PIP4K2A: variants seen among roughly 807,000 people sequenced by gnomAD.
PIP4K2A encodes the protein phosphatidylinositol-5-phosphate 4-kinase type 2 alpha.
Under a neutral mutation model 42.9 loss-of-function variants are expected in PIP4K2A, and 14 were observed. That is an observed-to-expected ratio of 0.33 (90% CI 0.22 to 0.51). PIP4K2A has a LOEUF of 0.51. Among genes scored for constraint, PIP4K2A ranks in the 20% least tolerant of loss-of-function variants. PIP4K2A has a pLI of 0.97. For synonymous variants in PIP4K2A, 192 were observed against 192.2 expected, an observed-to-expected ratio of 1.00 and a Z score of 0.01; for missense variants, 434 against 519.8, an observed-to-expected ratio of 0.83 and a Z score of 1.61.
intron 1 of PIP4K2A, among the ~76,000 whole-genome samples, chr10:22,661,588 C>G (rs1348812260): frequency 6.6e-6 from 1 of 152,036 alleles, no homozygotes; most frequent in East Asian, 1.9e-4. Flanking sequence ...GTCTCAAATT[C>G]CTGGCCTCAA....
intron 2 of PIP4K2A, among the ~76,000 whole-genome samples, chr10:22,609,382 T>A (rs767999773): frequency 4.6e-5 from 7 of 152,246 alleles, no homozygotes; most frequent in Non-Finnish European, 1.0e-4. Flanking sequence ...AATGAGAATA[T>A]CACTTTCAAC....
chr10:22,609,935 G>A (rs1201781709), intron 1 of PIP4K2A, among the ~76,000 whole-genome samples: 3 of 151,872 alleles, frequency 2.0e-5, no homozygotes, highest in Admixed American at 1.3e-4. Flanking sequence ...GGTGGCCACC[G>A]GACGGCAGTG....
intron 6 of PIP4K2A, 88 bp downstream of exon 6, chr10:22,567,763 G>T: frequency 9.0e-7 from 1 of 1,110,222 alleles, no homozygotes; most frequent in Non-Finnish European, 1.4e-6. Flanking sequence ...AATAGCAGGG[G>T]TGGGAGACTA....
At chr10:22,699,157 T>C (rs1215075509) in intron 1 of PIP4K2A, among the ~76,000 whole-genome samples, 3 of 152,210 alleles carry the variant, frequency 2.0e-5, no homozygotes, top group African/African-American at 7.2e-5. Context: ...GAAAGTGCCT[T>C]ATGGATTTAT....
At chr10:22,700,288 C>T (rs1833690117) in intron 1 of PIP4K2A, among the ~76,000 whole-genome samples, 1 of 152,226 alleles carries the variant, frequency 6.6e-6, no homozygotes, top group Non-Finnish European at 1.5e-5. Flanking sequence ...CGATCTCATA[C>T]AAGTGAATCT....
chr10:22,683,835 T>TCACACACACACA lies in PIP4K2A; in HGVS notation c.144+30336_144+30347dup, dbSNP rs138327782. ...TCTTGTAGCTTTCCTACCAAGCAGTTCACACACACACACACACACACACAC... is the reference window on the plus strand; with the variant it reads ...TCTTGTAGCTTTCCTACCAAGCAGTTCACACACACACACACACACACACACACACACACACAC... On this transcript the variant is annotated intron_variant, in intron 1 of 9. Transcript: ENST00000376573. Among the ~76,000 whole-genome samples the TCACACACACACA allele has an allele frequency of 1.7e-3, 236 of 139,400 alleles. 1 individual carries two copies. The highest frequency in any genetic ancestry group is 6.1e-3 in the African/African-American group (231 of 37,772). The allele number at this position is 139,400 out of a possible 152,430, so 91.5% of individuals were successfully genotyped here. A position where few individuals can be genotyped will look rare whatever the true frequency, so the allele number is the denominator to read the frequency against.
chr10:22,630,841 T>C (rs942499260), intron 1 of PIP4K2A, among the ~76,000 whole-genome samples: 14 of 152,180 alleles, frequency 9.2e-5, no homozygotes, highest in Admixed American at 2.6e-4. Flanking sequence ...ACAACATACT[T>C]GGGTTCTGGG....
At chr10:22,664,196 T>TATATATACATATATATACATAC (rs1839299216) in intron 1 of PIP4K2A, among the ~76,000 whole-genome samples, 1 of 68,290 alleles carries the variant, frequency 1.5e-5, no homozygotes, top group Non-Finnish European at 2.4e-5. Flanking sequence ...TATATACATA[T>TATATATACATATATATACATAC]ATATATACAT....
intron 1 of PIP4K2A, among the ~76,000 whole-genome samples, chr10:22,619,815 T>C (rs1326340): frequency 0.22 from 32,823 of 152,174 alleles, 3,959 homozygotes; most frequent in Non-Finnish European, 0.27. Context: ...TCCAAGTATA[T>C]TTTAATTAAC....
At chr10:22,622,295 G>A (rs559929954) in intron 1 of PIP4K2A, among the ~76,000 whole-genome samples, 3 of 152,344 alleles carry the variant, frequency 2.0e-5, no homozygotes, top group African/African-American at 4.8e-5. Flanking sequence ...GGGTTCAGGT[G>A]GCAGAAAGAC....
At chr10:22,589,649 A>G (rs1837467211) in intron 4 of PIP4K2A, among the ~76,000 whole-genome samples, 1 of 152,226 alleles carries the variant, frequency 6.6e-6, no homozygotes, top group Non-Finnish European at 1.5e-5. Context: ...AGAATCCATG[A>G]TATTAGAGCA....
chr10:22,583,791 C>T (rs747503675), intron 4 of PIP4K2A, among the ~76,000 whole-genome samples: 16 of 152,208 alleles, frequency 1.1e-4, no homozygotes, highest in Non-Finnish European at 2.2e-4. Context: ...GATGGGACGC[C>T]CAGATTCCCT....
At chr10:22,548,455 A>G (rs1437814679) in intron 7 of PIP4K2A, among the ~76,000 whole-genome samples, 3 of 152,220 alleles carry the variant, frequency 2.0e-5, no homozygotes, top group African/African-American at 7.2e-5. Flanking sequence ...ACAGAAAAAA[A>G]CCATTTTTTT....
At chr10:22,616,035 C>A (rs1410812989) in intron 1 of PIP4K2A, among the ~76,000 whole-genome samples, 1 of 134,778 alleles carries the variant, frequency 7.4e-6, no homozygotes, top group Non-Finnish European at 1.7e-5. Flanking sequence ...GGCCATTGGG[C>A]ATCAAAGCTG....
chr10:22,641,998 C>G (rs1251934149), intron 1 of PIP4K2A: 1 of 152,224 alleles, frequency 6.6e-6, no homozygotes, highest in Non-Finnish European at 1.5e-5. Flanking sequence ...TCACGCAGGA[C>G]TCTTCCCATA....
At chr10:22,640,921 A>G (rs1838771493) in intron 1 of PIP4K2A, among the ~76,000 whole-genome samples, 1 of 152,236 alleles carries the variant, frequency 6.6e-6, no homozygotes, top group African/African-American at 2.4e-5. Flanking sequence ...CAAAAAAGTA[A>G]TAAACAGTTC....
Position 22,612,815 on chromosome 10 carries a change from T to A in PIP4K2A, c.145-3098A>T, listed in dbSNP as rs905411786. The stretch of plus-strand genomic sequence containing the variant: ...AAACTTCATGCGCTCTTGGGACATC[T>A]AAGTGTCAATGTCAGGTAGGCCGTG... On this transcript the variant is annotated intron_variant, in intron 1 of 9. Transcript: ENST00000376573. Among the ~76,000 whole-genome samples the A allele has an allele frequency of 3.3e-5, 5 of 152,242 alleles. No individual in the cohort carries two copies. In the East Asian group the frequency reaches 9.7e-4, roughly 29 times the overall value.
At chr10:22,709,106 C>T (rs78922874) in intron 1 of PIP4K2A, among the ~76,000 whole-genome samples, 7 of 144,472 alleles carry the variant, frequency 4.8e-5, no homozygotes, top group South Asian at 2.2e-4. Flanking sequence ...ATTTAGCAGA[C>T]TTTTTTTTTT....
chr10:22,631,788 A>G (rs1838555177), intron 1 of PIP4K2A, among the ~76,000 whole-genome samples: 1 of 152,230 alleles, frequency 6.6e-6, no homozygotes, highest in African/African-American at 2.4e-5. Context: ...TTTTTGAGCA[A>G]AAGTATGCTG....
Sources: allele counts gnomAD v4.1 joint callset (sites outside exome capture counted in the v4.1 genomes callset), GRCh38; gene constraint gnomAD v4.1.1; transcripts MANE v1.5; gene names NCBI Gene and HGNC (gene_info 2026-07-23, HGNC 2026-07-21).